NTRK3: variants seen among roughly 807,000 people sequenced by gnomAD.
NTRK3 encodes the protein neurotrophic receptor tyrosine kinase 3.
A neutral mutation model predicts 91.7 loss-of-function variants in NTRK3; 24 were observed. That is an observed-to-expected ratio of 0.26 (90% CI 0.19 to 0.37). NTRK3 has a LOEUF of 0.37. Ranked by LOEUF, NTRK3 falls within the 10% of genes least tolerant of loss-of-function variation. The probability of loss-of-function intolerance (pLI) is 1.00; values close to 1 mark genes in which losing one functional copy is unlikely to be tolerated. For synonymous variants in NTRK3, 483 were observed against 404.0 expected, an observed-to-expected ratio of 1.20 and a Z score of -2.34; for missense variants, 880 against 1,068.9, an observed-to-expected ratio of 0.82 and a Z score of 2.46.
intron 14 of NTRK3, among the ~76,000 whole-genome samples, chr15:88,027,738 C>T (rs2078164220): frequency 6.6e-6 from 1 of 152,186 alleles, no homozygotes; most frequent in Admixed American, 6.5e-5. Context: ...TCTTAGTTAG[C>T]ACCTTCTTTG....
At chr15:88,015,077 T>C (rs1311302866) in intron 14 of NTRK3, among the ~76,000 whole-genome samples, 2 of 152,220 alleles carry the variant, frequency 1.3e-5, no homozygotes, top group Non-Finnish European at 2.9e-5. Flanking sequence ...GAGTGTTTCA[T>C]TTCTCTTCTT....
At chr15:88,246,467 T>C (rs911443667) in intron 3 of NTRK3, among the ~76,000 whole-genome samples, 14 of 151,912 alleles carry the variant, frequency 9.2e-5, no homozygotes, top group African/African-American at 2.4e-4. Context: ...GGGGAGAGAT[T>C]CCCCCACACT....
chr15:88,153,552 G>C (rs955168484), intron 5 of NTRK3, among the ~76,000 whole-genome samples: 4 of 152,104 alleles, frequency 2.6e-5, no homozygotes, highest in Non-Finnish European at 4.4e-5. Flanking sequence ...ACTGTGCCCA[G>C]CCTCTTTTTT....
At chr15:88,061,353 A>C (rs1194960725) in intron 13 of NTRK3, among the ~76,000 whole-genome samples, 1 of 151,822 alleles carries the variant, frequency 6.6e-6, no homozygotes, top group African/African-American at 2.4e-5. Flanking sequence ...CCACGGCCTC[A>C]CTCCCGCCAC....
chr15:87,948,974 A>G (rs1262859983), intron 14 of NTRK3, among the ~76,000 whole-genome samples: 1 of 152,230 alleles, frequency 6.6e-6, no homozygotes, highest in East Asian at 1.9e-4. Flanking sequence ...GCAGTTGCAC[A>G]AGTCAAAAGG....
Position 88,256,102 on chromosome 15 carries a change from G to A in NTRK3, c.52C>T (p.Leu18=), listed in dbSNP as rs769834505. 6 of 1,595,564 alleles carry A rather than the reference G, an allele frequency of 3.8e-6. No homozygotes were observed. In the East Asian group the frequency reaches 1.4e-4, roughly 37 times the overall value. The change falls in exon 3 of 19, where the codon CTG becomes TTG. Residue 18 remains leucine (L), a synonymous_variant. Transcript: ENST00000394480. ...ACATAGTCCAGCCAGACGCTTCCCA[G>A]CAAGAAAATCCGCCAGAAACTACAC...
intron 14 of NTRK3, among the ~76,000 whole-genome samples, chr15:88,027,182 C>T (rs1442441963): frequency 1.3e-5 from 2 of 151,988 alleles, no homozygotes; most frequent in African/African-American, 4.8e-5. Flanking sequence ...ATCTCAGGCT[C>T]TCTCTTGTAT....
intron 13 of NTRK3, among the ~76,000 whole-genome samples, chr15:88,058,852 G>C (rs972322418): frequency 2.0e-5 from 3 of 152,134 alleles, no homozygotes; most frequent in African/African-American, 7.2e-5. Flanking sequence ...CATGATGATG[G>C]AGGCAGTAAA....
At chr15:88,000,456 CACACACAT>C (rs1426227405) in intron 14 of NTRK3, among the ~76,000 whole-genome samples, 1 of 152,154 alleles carries the variant, frequency 6.6e-6, no homozygotes, top group East Asian at 1.9e-4. Context: ...AACTATACCA[CACACACAT>C]ACACACATAC....
exon 19 of NTRK3, chr15:87,860,226 G>T (rs933988447): frequency 4.5e-6 from 1 of 220,970 alleles, no homozygotes; most frequent in Non-Finnish European, 9.1e-6. Flanking sequence ...TGGGGTGATG[G>T]GTATGGGGCC....
At chr15:88,077,917 C>G (rs2047693337) in intron 13 of NTRK3, among the ~76,000 whole-genome samples, 1 of 152,186 alleles carries the variant, frequency 6.6e-6, no homozygotes, top group African/African-American at 2.4e-5. Context: ...GCAGTGTGGG[C>G]TGCAAAGACA....
chr15:87,890,569 TTACA>T (rs2065804332), intron 17 of NTRK3, among the ~76,000 whole-genome samples: 1 of 93,074 alleles, frequency 1.1e-5, no homozygotes, highest in African/African-American at 3.9e-5. Context: ...TGCTTGTTCT[TTACA>T]CACACACACA....
At chr15:87,985,954 G>A (rs769351634) in intron 14 of NTRK3, among the ~76,000 whole-genome samples, 1 of 152,204 alleles carries the variant, frequency 6.6e-6, no homozygotes, top group Non-Finnish European at 1.5e-5. Context: ...GCTTAAAGGA[G>A]TGAAATGTTA....
chr15:87,939,678 G>A (rs1419604550), intron 15 of NTRK3, among the ~76,000 whole-genome samples: 1 of 152,112 alleles, frequency 6.6e-6, no homozygotes, highest in Non-Finnish European at 1.5e-5. Context: ...CTCTGGCATC[G>A]GTCAGCCCAC....
chr15:88,105,705 ACACACACCCC>A (rs955760093), intron 13 of NTRK3, among the ~76,000 whole-genome samples: 70 of 152,240 alleles, frequency 4.6e-4, no homozygotes, highest in African/African-American at 1.6e-3. Flanking sequence ...ATACACACAC[ACACACACCCC>A]CACACCAGAA....
At chr15:87,986,468 T>C (rs544125325) in intron 14 of NTRK3, among the ~76,000 whole-genome samples, 1 of 152,364 alleles carries the variant, frequency 6.6e-6, no homozygotes, top group African/African-American at 2.4e-5. Context: ...TGCTCTGAAA[T>C]AGCTGATTAT....
At chr15:88,037,291 G>C (rs1402863977) in intron 13 of NTRK3, among the ~76,000 whole-genome samples, 1 of 152,232 alleles carries the variant, frequency 6.6e-6, no homozygotes, top group Admixed American at 6.5e-5. Flanking sequence ...GCCAGGCGCA[G>C]TGGTTTATGC....
At chr15:88,085,748 G>C (rs1461210) in intron 13 of NTRK3, among the ~76,000 whole-genome samples, 91,939 of 152,150 alleles carry the variant, frequency 0.6, 29,155 homozygotes, top group African/African-American at 0.81. Context: ...TAAGACCTGC[G>C]CTGGCCAGTC....
chr15:88,060,405 T>TCTC (rs2046110093), intron 13 of NTRK3, among the ~76,000 whole-genome samples: 1 of 122,892 alleles, frequency 8.1e-6, no homozygotes. Context: ...AAAAAAAAAG[T>TCTC]AGGGGGCCCT....
Sources: gnomAD v4.1 joint callset for allele counts (sites outside exome capture counted in the v4.1 genomes callset) on GRCh38, gnomAD v4.1.1 for gene constraint, MANE v1.5 for transcripts, NCBI Gene and HGNC (gene_info 2026-07-23, HGNC 2026-07-21) for gene names.